Variants in GSG1L observed in about 807,000 individuals in gnomAD.
GSG1L encodes germ cell-specific gene 1-like protein.
Under a neutral mutation model 42.1 loss-of-function variants are expected in GSG1L, and 24 were observed. That is an observed-to-expected ratio of 0.57 (90% confidence interval 0.41 to 0.80). The LOEUF (loss-of-function observed/expected upper bound fraction) is 0.80. Ranked by LOEUF, GSG1L falls within the 30% of genes least tolerant of loss-of-function variation. GSG1L has a pLI of 0.00. For synonymous variants in GSG1L, 215 were observed against 203.5 expected (o/e 1.06, Z -0.48); for missense variants, 445 against 472.2 (o/e 0.94, Z 0.53).
At chr16:27,885,393 C>T (rs117857178) in intron 2 of GSG1L, among the ~76,000 whole-genome samples, 5,672 of 152,278 alleles carry the variant, frequency 0.037, 159 homozygotes, top group Non-Finnish European at 0.058. Flanking sequence ...AAGCTATTTG[C>T]CTGCCTCAGC....
chr16:27,961,834 G>A (rs943121921), intron 2 of GSG1L, among the ~76,000 whole-genome samples: 1 of 152,170 alleles, frequency 6.6e-6, no homozygotes, highest in African/African-American at 2.4e-5. Context: ...CTGCTGGGGG[G>A]TAGGGAGTCC....
chr16:27,989,632 T>C (rs1274845352), intron 1 of GSG1L, among the ~76,000 whole-genome samples: 1 of 151,702 alleles, frequency 6.6e-6, no homozygotes, highest in East Asian at 1.9e-4. Flanking sequence ...CCCAGCTACT[T>C]GGGAGGCTGA....
At chr16:28,050,879 A>G (rs2086215405) in intron 1 of GSG1L, among the ~76,000 whole-genome samples, 1 of 152,180 alleles carries the variant, frequency 6.6e-6, no homozygotes, top group South Asian at 2.1e-4. Flanking sequence ...AAGCTCCATA[A>G]GACAAGGACT....
rs1596740662 is a variant in GSG1L, at chr16:28,059,217, C to T, written c.349+3859G>A. 6.6e-6 allele frequency among the ~76,000 whole-genome samples: 1 copy of T among 152,138 alleles called. No individual in the cohort carries two copies. Among genetic ancestry groups the T allele is most frequent in the East Asian group, 1.9e-4 (1 of 5,196 alleles). ...ACCACGCTGCTAGTAAGAGGCTGAG[C>T]CCAGCCTTGAACTTCCACCAGTTCT... On this transcript the variant is annotated intron_variant, in intron 1 of 6. Transcript: ENST00000447459. The surrounding 1 kb of genome is among the most constrained non-coding windows in gnomAD (Gnocchi z 4.4).
chr16:27,889,812 C>T (rs2084103032), intron 2 of GSG1L, among the ~76,000 whole-genome samples: 3 of 152,170 alleles, frequency 2.0e-5, no homozygotes, highest in Non-Finnish European at 2.9e-5. Flanking sequence ...AATGACTTTG[C>T]ACCCAAATCC....
chr16:27,943,746 T>C (rs1396325670), intron 2 of GSG1L, among the ~76,000 whole-genome samples: 1 of 151,972 alleles, frequency 6.6e-6, no homozygotes, highest in African/African-American at 2.4e-5. Flanking sequence ...AGCTAATTTT[T>C]TGCATTTTTA....
chr16:27,796,438 A>G (rs766939816), intron 6 of GSG1L, among the ~76,000 whole-genome samples: 3 of 152,176 alleles, frequency 2.0e-5, no homozygotes, highest in African/African-American at 4.8e-5. Flanking sequence ...CACATATGGG[A>G]ATATCTGTTT....
At position 27,800,038 on chromosome 16, in the gene GSG1L, T is replaced by A. The variant is rs75017398; in HGVS notation, c.898+7449A>T. On this transcript the variant is annotated intron_variant, in intron 6 of 6. Transcript: ENST00000447459. ...AAATTCTGAGGGTGGGGCCCTGCAG[T>A]CCATCCTTTAACGAGCTCTCCATGT... is the stretch of plus-strand genomic sequence containing the variant. Among the ~76,000 whole-genome samples the A allele has an allele frequency of 3.3e-3, 500 of 152,226 alleles. 4 individuals are homozygous for A. The highest frequency in any genetic ancestry group is 0.011 in the African/African-American group (458 of 41,542).
intron 1 of GSG1L, among the ~76,000 whole-genome samples, chr16:27,980,994 GA>G (rs1298409141): frequency 1.3e-5 from 2 of 152,102 alleles, no homozygotes; most frequent in Non-Finnish European, 2.9e-5. Flanking sequence ...GCTAGTGGTG[GA>G]GCCAGGATTC....
intron 1 of GSG1L, among the ~76,000 whole-genome samples, chr16:27,971,305 A>G (rs1356692911): frequency 6.6e-6 from 1 of 152,178 alleles, no homozygotes; most frequent in East Asian, 1.9e-4. Context: ...ATTTACTTAG[A>G]TCTATTCAAA....
At chr16:27,858,034 A>G (rs1482792164) in intron 3 of GSG1L, among the ~76,000 whole-genome samples, 1 of 152,174 alleles carries the variant, frequency 6.6e-6, no homozygotes, top group Non-Finnish European at 1.5e-5. Context: ...CATTCCTCCC[A>G]GCACTACCTT....
intron 1 of GSG1L, among the ~76,000 whole-genome samples, chr16:27,973,510 A>G (rs1027965188): frequency 1.4e-5 from 2 of 147,104 alleles, no homozygotes; most frequent in Non-Finnish European, 3.0e-5. Context: ...CATCACTGTC[A>G]CCTACATGCG....
chr16:28,030,792 A>ATGGGATGGGATGGGG (rs2085950836), intron 1 of GSG1L, among the ~76,000 whole-genome samples: 1 of 129,930 alleles, frequency 7.7e-6, no homozygotes, highest in Non-Finnish European at 1.6e-5. Context: ...ATGGGATGGG[A>ATGGGATGGGATGGGG]TGGGATGAGA....
At chr16:28,045,177 T>C (rs1336670212) in intron 1 of GSG1L, among the ~76,000 whole-genome samples, 2 of 152,126 alleles carry the variant, frequency 1.3e-5, no homozygotes, top group Non-Finnish European at 2.9e-5. Flanking sequence ...CCACAGAAAG[T>C]GCAACGCTAT....
intron 2 of GSG1L, among the ~76,000 whole-genome samples, chr16:27,905,632 C>T (rs926125672): frequency 6.6e-6 from 1 of 152,056 alleles, no homozygotes; most frequent in Non-Finnish European, 1.5e-5. Flanking sequence ...GAATAATGAA[C>T]AAATATTTGT....
chr16:27,794,188 A>G lies in GSG1L; in HGVS notation c.899-2721T>C, dbSNP rs1438351232. On this transcript the variant is annotated intron_variant, in intron 6 of 6. Coordinates refer to ENST00000447459, the MANE Select transcript of GSG1L (RefSeq NM_001109763.2). ...CATCACCATCCCTGGCTAATTATTT[A>G]TTTATTTTTTGTAGAGATGGGGTCT... Among the ~76,000 whole-genome samples, 15 of 151,376 alleles carry G rather than the reference A, an allele frequency of 9.9e-5. 1 individual carries two copies. Among genetic ancestry groups the G allele is most frequent in the Admixed American group, 9.9e-4 (15 of 15,182 alleles).
chr16:27,889,928 C>T (rs1341781825), intron 2 of GSG1L, among the ~76,000 whole-genome samples: 6 of 152,174 alleles, frequency 3.9e-5, no homozygotes, highest in East Asian at 3.8e-4. Flanking sequence ...ACGTATCACC[C>T]GTTTTGCAGA....
At chr16:27,948,483 C>T (rs903402902) in intron 2 of GSG1L, among the ~76,000 whole-genome samples, 1 of 152,158 alleles carries the variant, frequency 6.6e-6, no homozygotes, top group African/African-American at 2.4e-5. Context: ...AAATGATTCT[C>T]CTGCCTTGGC....
intron 5 of GSG1L, among the ~76,000 whole-genome samples, chr16:27,825,334 C>A (rs1176352008): frequency 6.6e-6 from 1 of 152,088 alleles, no homozygotes; most frequent in Non-Finnish European, 1.5e-5. Context: ...AACTGGCAAA[C>A]AAATAAAGAA....
Sources: allele counts gnomAD v4.1 joint callset (sites outside exome capture counted in the v4.1 genomes callset), GRCh38; gene constraint gnomAD v4.1.1; non-coding constraint Gnocchi (gnomAD v3.1); transcripts MANE v1.5; gene names NCBI Gene and HGNC (gene_info 2026-07-23, HGNC 2026-07-21).